Variants in SIPA1L1 observed in about 807,000 individuals in gnomAD.
The protein encoded by SIPA1L1 is signal induced proliferation associated 1 like 1.
A neutral mutation model predicts 162.7 loss-of-function variants in SIPA1L1; 26 were observed. That is an observed-to-expected ratio of 0.16 (90% CI 0.12 to 0.22). SIPA1L1 has a LOEUF of 0.22. Among genes scored for constraint, SIPA1L1 ranks in the 10% least tolerant of loss-of-function variants. SIPA1L1 has a pLI of 1.00. For synonymous variants in SIPA1L1, 829 were observed against 837.4 expected (o/e 0.99, Z 0.17); for missense variants, 1,874 against 2,241.0 (o/e 0.84, Z 3.31).
chr14:71,672,666 G>A (rs2044652140), intron 12 of SIPA1L1, 44 bp downstream of exon 12: 1 of 1,595,290 alleles, frequency 6.3e-7, no homozygotes, highest in Non-Finnish European at 8.6e-7. Context: ...TCGAGTGCAG[G>A]GTTTGTGTAC....
At chr14:71,637,317 A>G (rs2041261550) in intron 7 of SIPA1L1, among the ~76,000 whole-genome samples, 1 of 152,128 alleles carries the variant, frequency 6.6e-6, no homozygotes, top group African/African-American at 2.4e-5. Flanking sequence ...ACAATACAAT[A>G]AGATATTTTG....
At chr14:71,673,489 C>T (rs2044745433) in intron 12 of SIPA1L1, among the ~76,000 whole-genome samples, 1 of 152,186 alleles carries the variant, frequency 6.6e-6, no homozygotes, top group South Asian at 2.1e-4. Flanking sequence ...ACCAGTCCTA[C>T]ACCTGAGCTC....
intron 19 of SIPA1L1, among the ~76,000 whole-genome samples, chr14:71,725,671 C>T (rs1448580211): frequency 6.6e-6 from 1 of 152,112 alleles, no homozygotes; most frequent in African/African-American, 2.4e-5. Context: ...CTCACGCCCC[C>T]GGGGATTGGA....
intron 2 of SIPA1L1, among the ~76,000 whole-genome samples, chr14:71,339,950 G>C (rs550869094): frequency 6.6e-6 from 1 of 152,184 alleles, no homozygotes; most frequent in South Asian, 2.1e-4. Context: ...CTACTGAGTT[G>C]AGGCGTTATC....
At chr14:71,594,553 C>T (rs76891849) in intron 5 of SIPA1L1, among the ~76,000 whole-genome samples, 2,047 of 152,182 alleles carry the variant, frequency 0.013, 46 homozygotes, top group African/African-American at 0.047. Context: ...TTGATGTGGA[C>T]AGTTTTAGAT....
chr14:71,720,855 A>G (rs1293135518), intron 17 of SIPA1L1, among the ~76,000 whole-genome samples: 1 of 152,118 alleles, frequency 6.6e-6, no homozygotes, highest in Non-Finnish European at 1.5e-5. Context: ...AATTCCTTCT[A>G]TGTGATATCT....
intron 8 of SIPA1L1, 127 bp from the exon 9 acceptor site, chr14:71,658,206 T>G: frequency 1.6e-6 from 1 of 608,894 alleles, no homozygotes; most frequent in Non-Finnish European, 2.8e-6. Flanking sequence ...AGAACACCTG[T>G]CTTGTCTAGA....
At chr14:71,713,518 C>G (rs1251702077) in intron 17 of SIPA1L1, among the ~76,000 whole-genome samples, 2 of 152,198 alleles carry the variant, frequency 1.3e-5, no homozygotes, top group African/African-American at 4.8e-5. Flanking sequence ...TGGTCAGTGT[C>G]TGACATTATC....
At chr14:71,722,145 C>T (rs754490782) in intron 17 of SIPA1L1, among the ~76,000 whole-genome samples, 2 of 152,184 alleles carry the variant, frequency 1.3e-5, no homozygotes, top group African/African-American at 4.8e-5. Flanking sequence ...GGAGCATAGG[C>T]GATGCAGGAC....
chr14:71,417,267 C>A (rs548503706), intron 2 of SIPA1L1, among the ~76,000 whole-genome samples: 2 of 151,368 alleles, frequency 1.3e-5, no homozygotes, highest in South Asian at 2.1e-4. Flanking sequence ...GTCAGGAGAT[C>A]GAGACCATCC....
intron 5 of SIPA1L1, among the ~76,000 whole-genome samples, chr14:71,603,699 G>A (rs1210673166): frequency 6.6e-6 from 1 of 151,788 alleles, no homozygotes. Context: ...GAGGCGGGTG[G>A]ATCACGAGGT....
At chr14:71,330,836 T>C in intron 2 of SIPA1L1, 2 of 599,714 alleles carry the variant, frequency 3.3e-6, no homozygotes, top group South Asian at 2.0e-5. Context: ...CCTTATGAGA[T>C]AGATTATTTG....
chr14:71,479,328 T>TGTATGTAG (rs1281778302), intron 2 of SIPA1L1, among the ~76,000 whole-genome samples: 1 of 121,964 alleles, frequency 8.2e-6, no homozygotes, highest in Admixed American at 8.1e-5. Context: ...CATGTGTGTG[T>TGTATGTAG]GTATGTAGGT....
At chr14:71,522,018 A>G (rs2052406662) in intron 3 of SIPA1L1, among the ~76,000 whole-genome samples, 4 of 152,084 alleles carry the variant, frequency 2.6e-5, no homozygotes, top group Non-Finnish European at 2.9e-5. Flanking sequence ...AAGTCATATA[A>G]TTTATTGTGT....
intron 2 of SIPA1L1, among the ~76,000 whole-genome samples, chr14:71,360,138 A>G (rs991480063): frequency 2.0e-5 from 3 of 152,230 alleles, no homozygotes; most frequent in African/African-American, 7.2e-5. Flanking sequence ...AAATGCTAAA[A>G]CATGAGACAA....
rs1291423028 is a variant in SIPA1L1, at chr14:71,709,595, A to G, written c.4139A>G (p.Gln1380Arg). The G allele has an allele frequency of 1.2e-6, 2 of 1,614,242 alleles. No homozygotes were observed. Among genetic ancestry groups the G allele is most frequent in the Admixed American group, 3.3e-5 (2 of 60,028 alleles). The change falls in exon 17 of 24, where the codon CAA becomes CGA. Residue 1380 changes from glutamine (Q) to arginine (R), a missense_variant. Physicochemically the swap from Gln to Arg is conservative, Grantham distance 43. Transcript: ENST00000381232. ...AGCTTAGACATACACAGCAAGAGCC[A>G]AGCCGGCTCGACCCCTCTGACAAGG... ...SLSLDIHSKSQAGSTPLTREN... is the reference protein window; with the variant it reads ...SLSLDIHSKSRAGSTPLTREN...
intron 7 of SIPA1L1, among the ~76,000 whole-genome samples, chr14:71,642,870 T>G (rs1483039746): frequency 2.0e-5 from 3 of 151,708 alleles, no homozygotes; most frequent in African/African-American, 7.3e-5. Context: ...CTACAATATC[T>G]GAGTTGAAAA....
chr14:71,612,341 T>A (rs1008965838), intron 5 of SIPA1L1, among the ~76,000 whole-genome samples: 39 of 152,318 alleles, frequency 2.6e-4, no homozygotes, highest in Admixed American at 8.5e-4. Context: ...GCTGGTTTTT[T>A]ATTTCAGAAA....
chr14:71,468,246 A>G (rs754246827), intron 2 of SIPA1L1, among the ~76,000 whole-genome samples: 4 of 152,248 alleles, frequency 2.6e-5, no homozygotes, highest in Non-Finnish European at 5.9e-5. Context: ...TATTTAAATA[A>G]GTACCCAAAT....
Sources: gnomAD v4.1 joint callset for allele counts (sites outside exome capture counted in the v4.1 genomes callset) on GRCh38, gnomAD v4.1.1 for gene constraint, MANE v1.5 for transcripts, NCBI Gene and HGNC (gene_info 2026-07-23, HGNC 2026-07-21) for gene names.